Variants in P2RY8 observed in about 807,000 individuals in gnomAD.
P2RY8 encodes the protein S-geranylgeranyl-glutathione receptor P2RY8.
Under a neutral mutation model 10.0 loss-of-function variants are expected in P2RY8, and 6 were observed. The ratio of observed to expected loss-of-function variants is 0.60; its 90% CI spans 0.33 to 1.19. The LOEUF (loss-of-function observed/expected upper bound fraction) is 1.19. Among genes scored for constraint, P2RY8 ranks in the 50% most tolerant of loss-of-function variants. The pLI is 0.04. For synonymous variants in P2RY8, 276 were observed against 252.5 expected (o/e 1.09, Z -0.88); for missense variants, 456 against 542.0 (o/e 0.84, Z 1.58).
intron 1 of P2RY8, among the ~76,000 whole-genome samples, chrX:1,479,832 C>G (rs749090404): frequency 6.6e-6 from 1 of 152,078 alleles, no homozygotes; most frequent in Admixed American, 6.6e-5. Flanking sequence ...ATCCCATGGA[C>G]ATTAAAAAGA....
chrX:1,526,762 C>T (rs2092442983), intron 1 of P2RY8, among the ~76,000 whole-genome samples: 2 of 152,142 alleles, frequency 1.3e-5, no homozygotes, highest in Admixed American at 1.3e-4. Flanking sequence ...TTTACTTACT[C>T]ATCCATCCAT....
intron 1 of P2RY8, among the ~76,000 whole-genome samples, chrX:1,488,335 C>T (rs2092006621): frequency 2.6e-5 from 4 of 152,178 alleles, no homozygotes; most frequent in Admixed American, 2.6e-4. Context: ...GGTGTTTCCC[C>T]TGCTCGCTGT....
At position 1,520,697 on chromosome X, in the gene P2RY8, C is replaced by G. The variant is rs186598469; in HGVS notation, c.-25+16224G>C. ...ATCTCTTTGTTCTCTAATAATCTCC[C>G]TGGTCTCCAATATTCTGTCTGATTT... On this transcript the variant is annotated intron_variant, in intron 1 of 1. Transcript: ENST00000381297. 3.3e-5 allele frequency among the ~76,000 whole-genome samples: 5 copies of G among 152,068 alleles called. No homozygotes were observed. In the East Asian group the frequency reaches 9.7e-4, roughly 29 times the overall value.
intron 1 of P2RY8, among the ~76,000 whole-genome samples, chrX:1,516,487 G>A (rs1485276848): frequency 6.6e-6 from 1 of 150,868 alleles, no homozygotes; most frequent in Admixed American, 6.6e-5. Context: ...ATGGTGTTCT[G>A]TGATAGCAGC....
At chrX:1,468,420 G>A (rs1323902899) in intron 1 of P2RY8, among the ~76,000 whole-genome samples, 4 of 152,168 alleles carry the variant, frequency 2.6e-5, no homozygotes, top group Admixed American at 6.5e-5. Flanking sequence ...TCGAGTCTGT[G>A]CCCTGTGGCC....
Position 1,529,954 on chromosome X carries a change from C to T in P2RY8, c.-25+6967G>A, listed in dbSNP as rs1192728373. On this transcript the variant is annotated intron_variant, in intron 1 of 1. Coordinates refer to ENST00000381297, the MANE Select transcript of P2RY8 (RefSeq NM_178129.5). ...ATCTGGTGGGTGGATCCCGGGGATG[C>T]TTCTCAATACCTTACACTGCACAGG... Among the ~76,000 whole-genome samples the T allele has an allele frequency of 7.9e-5, 12 of 152,036 alleles. No individual in the cohort carries two copies. In the East Asian group the frequency reaches 2.1e-3, roughly 27 times the overall value.
chrX:1,509,835 A>ATCTC (rs1324402701), intron 1 of P2RY8, among the ~76,000 whole-genome samples: 2 of 143,116 alleles, frequency 1.4e-5, no homozygotes, highest in East Asian at 2.0e-4. Flanking sequence ...CTATCTATCT[A>ATCTC]TCTCTATTAT....
intron 1 of P2RY8, among the ~76,000 whole-genome samples, chrX:1,497,317 G>A (rs148036907): frequency 6.6e-6 from 1 of 151,160 alleles, no homozygotes; most frequent in African/African-American, 2.4e-5. Flanking sequence ...TGTTAATTAG[G>A]GTTTTCTCTT....
In P2RY8 at chrX:1,504,331, T is replaced by C. The variant is rs6645261; in HGVS notation, c.-25+32590A>G. Reference sequence around the variant, plus strand: ...ACTCTGTGTCAAAAAAAAAAAAAGATTTGGGAATTCCACATGCTTCTTTGC... The same window carrying C: ...ACTCTGTGTCAAAAAAAAAAAAAGACTTGGGAATTCCACATGCTTCTTTGC... On this transcript the variant is annotated intron_variant, in intron 1 of 1. Transcript: ENST00000381297. 2.8e-3 allele frequency among the ~76,000 whole-genome samples: 379 copies of C among 137,512 alleles called. 8 individuals are homozygous for C. The highest frequency in any genetic ancestry group is 9.3e-3 in the African/African-American group (356 of 38,174). 90.2% of individuals were successfully genotyped at this position (137,512 alleles called of 152,430 possible). A position where few individuals can be genotyped will look rare whatever the true frequency, so the allele number is the denominator to read the frequency against.
At chrX:1,527,674 C>T (rs1428103694) in intron 1 of P2RY8, among the ~76,000 whole-genome samples, 1 of 151,726 alleles carries the variant, frequency 6.6e-6, no homozygotes, top group East Asian at 1.9e-4. Flanking sequence ...ATTCATTCAT[C>T]CACTCATTCA....
In P2RY8 at chrX:1,466,679, C is replaced by T. The variant is rs763782767; in HGVS notation, c.-24-97G>A. ...GAGCGCCGCTCCCCGGGGACCAAGG[C>T]GGGGGAGATGCTTTAGCAGGGCCTG... On this transcript the variant is annotated intron_variant, in intron 1 of 1. Coordinates refer to ENST00000381297, the MANE Select transcript of P2RY8 (RefSeq NM_178129.5). The T allele has an allele frequency of 3.5e-4, 423 of 1,212,758 alleles. No individual in the cohort carries two copies. The African/African-American group carries it at 5.8e-3, about 17-fold the overall frequency. The allele number at this position is 1,212,758 out of a possible 1,614,324, so 75.1% of individuals were successfully genotyped here. A position where few individuals can be genotyped will look rare whatever the true frequency, so the allele number is the denominator to read the frequency against.
At chrX:1,487,386 C>T (rs1303625905) in intron 1 of P2RY8, among the ~76,000 whole-genome samples, 1 of 151,546 alleles carries the variant, frequency 6.6e-6, no homozygotes, top group East Asian at 2.0e-4. Context: ...TTTTGTGCAC[C>T]CGTCCTAGGA....
At chrX:1,512,250 A>G (rs2092303211) in intron 1 of P2RY8, among the ~76,000 whole-genome samples, 1 of 152,090 alleles carries the variant, frequency 6.6e-6, no homozygotes, top group Non-Finnish European at 1.5e-5. Context: ...TCACGCTGCT[A>G]ATAAAGACAT....
intron 1 of P2RY8, among the ~76,000 whole-genome samples, chrX:1,531,476 C>T (rs1288537262): frequency 3.9e-5 from 6 of 152,138 alleles, no homozygotes; most frequent in Non-Finnish European, 7.4e-5. Flanking sequence ...TGTGCCCAGC[C>T]CGAGGGGTTA....
At chrX:1,492,266 A>C (rs1445230637) in intron 1 of P2RY8, among the ~76,000 whole-genome samples, 2 of 152,162 alleles carry the variant, frequency 1.3e-5, no homozygotes, top group Non-Finnish European at 2.9e-5. Flanking sequence ...AAGCCTGGCC[A>C]GTTAGGGGGC....
At chrX:1,520,897 A>G (rs2092385353) in intron 1 of P2RY8, among the ~76,000 whole-genome samples, 2 of 151,294 alleles carry the variant, frequency 1.3e-5, no homozygotes, top group African/African-American at 4.9e-5. Flanking sequence ...CTTGTCCCCA[A>G]TAATCTCCTT....
chrX:1,475,964 G>T (rs2091868241), intron 1 of P2RY8, among the ~76,000 whole-genome samples: 1 of 152,160 alleles, frequency 6.6e-6, no homozygotes, highest in South Asian at 2.1e-4. Flanking sequence ...ACTAGGGTAG[G>T]GAAGGAAGCA....
chrX:1,531,918 G>A (rs1207969950), intron 1 of P2RY8, among the ~76,000 whole-genome samples: 1 of 152,188 alleles, frequency 6.6e-6, no homozygotes, highest in Admixed American at 6.5e-5. Context: ...GCAAATGCTA[G>A]TGTGGATGTG....
chrX:1,530,080 C>T (rs1284270014), intron 1 of P2RY8, among the ~76,000 whole-genome samples: 2 of 152,018 alleles, frequency 1.3e-5, no homozygotes, highest in Non-Finnish European at 2.9e-5. Flanking sequence ...CTCTCTCTCT[C>T]TCCGTCATCC....
Sources: gnomAD v4.1 joint callset for allele counts (sites outside exome capture counted in the v4.1 genomes callset) on GRCh38, gnomAD v4.1.1 for gene constraint, MANE v1.5 for transcripts, NCBI Gene and HGNC (gene_info 2026-07-23, HGNC 2026-07-21) for gene names.